RMDN3: variants seen among roughly 807,000 people sequenced by gnomAD.
RMDN3 encodes regulator of microtubule dynamics protein 3.
A neutral mutation model predicts 61.8 loss-of-function variants in RMDN3; 41 were observed. The ratio of observed to expected loss-of-function variants is 0.66; its 90% CI spans 0.52 to 0.86. The LOEUF (loss-of-function observed/expected upper bound fraction) is 0.86, where lower values mean the gene tolerates loss of function less well. RMDN3 is among the 40% of genes least tolerant of loss of function. The pLI is 0.00. For missense variants in RMDN3, 557 were observed against 585.3 expected (o/e 0.95, Z 0.50); for synonymous variants, 247 against 232.0 (o/e 1.06, Z -0.59).
chr15:40,748,506 G>A (rs1204205450), intron 4 of RMDN3, among the ~76,000 whole-genome samples: 2 of 152,244 alleles, frequency 1.3e-5, no homozygotes, highest in African/African-American at 4.8e-5. Flanking sequence ...CCTGCTCCTT[G>A]TGGCCTTGGG....
chr15:40,736,611 C>T lies in RMDN3; in HGVS notation c.1360-17G>A, dbSNP rs1596036448. 2 of 1,612,644 alleles carry T rather than the reference C, an allele frequency of 1.2e-6. No individual in the cohort carries two copies. Among genetic ancestry groups the T allele is most frequent in the South Asian group, 1.1e-5 (1 of 91,030 alleles). On this transcript the variant is annotated splice_polypyrimidine_tract_variant and intron_variant, in intron 12 of 12. Transcript: ENST00000338376. ...AGCCAAATCCTAGGGAGACAAAGAACAAATCTAGGGCTCAAAATTTAAACC... is the reference window on the plus strand; with the variant it reads ...AGCCAAATCCTAGGGAGACAAAGAATAAATCTAGGGCTCAAAATTTAAACC...
Position 40,737,684 on chromosome 15 carries a change from A to C in RMDN3, c.1168T>G (p.Leu390Val). ...GTGGCACTGAGAGGGCTTTCAAGCA[A>C]GGCTGTAGCAGTTTTTTTTTCTAGC... is the stretch of plus-strand genomic sequence containing the variant. Reference protein sequence around the residue: ...SWLEKKTATALLESPLSATVE... With the variant: ...SWLEKKTATAVLESPLSATVE... The change falls in exon 10 of 13, where the codon TTG becomes GTG. Residue 390 changes from leucine to valine, a missense_variant. Transcript: ENST00000338376. 6.2e-7 allele frequency: 1 copy of C among 1,614,114 alleles called. No homozygotes were observed.
chr15:40,737,965 C>CTGAT lies in RMDN3; in HGVS notation c.1121_1124dup (p.Val376SerfsTer18), dbSNP rs1255325413. 2.5e-6 allele frequency: 4 copies of CTGAT among 1,614,128 alleles called. No individual in the cohort carries two copies. The highest frequency in any genetic ancestry group is 3.4e-6 in the Non-Finnish European group (4 of 1,179,984). ...TGTCAAGCACTGAAACGCAGCTTAC[C>CTGAT]TGATAGCACCACCTGCCAAGAAGAA... On this transcript the variant is annotated frameshift_variant and splice_region_variant, in exon 9 of 13. Coordinates refer to ENST00000338376, the MANE Select transcript of RMDN3 (RefSeq NM_018145.3). LOFTEE classifies it high-confidence loss of function.
intron 2 of RMDN3, among the ~76,000 whole-genome samples, chr15:40,753,948 C>T (rs575435680): frequency 6.6e-6 from 1 of 152,136 alleles, no homozygotes. Flanking sequence ...CAAGATTATT[C>T]TTTTTGCCCT....
chr15:40,736,399 TG>T lies in RMDN3; in HGVS notation c.*141del, dbSNP rs1397306119. The T allele has an allele frequency of 1.4e-6, 1 of 692,768 alleles. No homozygotes were observed. The highest frequency in any genetic ancestry group is 1.8e-5 in the African/African-American group (1 of 55,298). 42.9% of individuals were successfully genotyped at this position (692,768 alleles called of 1,614,324 possible). On this transcript the variant is annotated 3_prime_UTR_variant, in exon 13 of 13. Transcript: ENST00000338376. ...TTAGAGGTTAGAATAAATTAACTAA[TG>T]GGGAGTGGTAGTGGGTAGCAGTCAG...
At chr15:40,738,652 C>T in intron 7 of RMDN3, 76 bp from the exon 8 acceptor site, 1 of 1,434,820 alleles carries the variant, frequency 7.0e-7, no homozygotes, top group Non-Finnish European at 9.8e-7. Context: ...CAACCACAGC[C>T]TAGTTGCATT....
intron 1 of RMDN3, 51 bp from the exon 2 acceptor site, chr15:40,754,841 G>A (rs1897979809): frequency 2.5e-6 from 2 of 810,610 alleles, no homozygotes; most frequent in African/African-American, 1.8e-5. Flanking sequence ...GGCGGGCGGG[G>A]GTAAGGAGAG....
chr15:40,746,045 G>A (rs1897532385), intron 4 of RMDN3, among the ~76,000 whole-genome samples: 1 of 152,202 alleles, frequency 6.6e-6, no homozygotes. Context: ...AAAGGTGTTT[G>A]GGGGGCTGCC....
chr15:40,754,973 C>A (rs904803905), intron 1 of RMDN3, 110 bp downstream of exon 1: 17 of 570,884 alleles, frequency 3.0e-5, no homozygotes, highest in Non-Finnish European at 4.9e-5. Flanking sequence ...CTTCCTCCAG[C>A]CTCCTGGGCC....
rs777965798 is a variant in RMDN3, at chr15:40,740,157, TCC to T, written c.945_946del (p.Asp316Ter). ...CCACAGGTGACAGTCAGCACTCTCA[TCC>T]CCCTTCTCCAGAGCAGCCTCTGCTT... is the stretch of plus-strand genomic sequence containing the variant. On this transcript the variant is annotated frameshift_variant, in exon 7 of 13. Transcript: ENST00000338376. LOFTEE classifies it high-confidence loss of function. The T allele has an allele frequency of 3.7e-6, 6 of 1,611,944 alleles. No homozygotes were observed. In the African/African-American group the frequency reaches 4.0e-5, roughly 11 times the overall value.
At chr15:40,741,619 G>GTTTTTTTTTTTTTT (rs1333820266) in intron 6 of RMDN3, among the ~76,000 whole-genome samples, 3 of 60,984 alleles carry the variant, frequency 4.9e-5, no homozygotes, top group African/African-American at 1.1e-4. Context: ...TGCAACATAG[G>GTTTTTTTTTTTTTT]ATTTTTTTTT....
chr15:40,746,932 A>G (rs1204681547), intron 4 of RMDN3, among the ~76,000 whole-genome samples: 1 of 152,122 alleles, frequency 6.6e-6, no homozygotes, highest in Non-Finnish European at 1.5e-5. Context: ...GTGTCATTAG[A>G]TTTCGTAACC....
At chr15:40,741,236 A>G (rs1360505371) in intron 6 of RMDN3, among the ~76,000 whole-genome samples, 1 of 152,094 alleles carries the variant, frequency 6.6e-6, no homozygotes, top group Admixed American at 6.6e-5. Context: ...GGATGGGTAC[A>G]TTGGCTCACA....
At chr15:40,747,857 T>G (rs1182109870) in intron 4 of RMDN3, 1 of 152,070 alleles carries the variant, frequency 6.6e-6, no homozygotes, top group Non-Finnish European at 1.5e-5. Context: ...AGAGACTGAG[T>G]ATGAGGCCTT....
chr15:40,752,535 A>T (rs1237233307), intron 2 of RMDN3, among the ~76,000 whole-genome samples: 1 of 152,164 alleles, frequency 6.6e-6, no homozygotes, highest in Non-Finnish European at 1.5e-5. Context: ...CCCAATACCA[A>T]GGAGTCAATA....
chr15:40,741,279 G>C lies in RMDN3; in HGVS notation c.911-1086C>G, dbSNP rs199726795. On this transcript the variant is annotated intron_variant, in intron 6 of 12. Transcript: ENST00000338376. ...TCCTAGAACTTTGAGAGGCCAAGGA[G>C]AGGATAGCTTGGGACCAAGAGTTCA... Among the ~76,000 whole-genome samples the C allele has an allele frequency of 3.5e-4, 54 of 152,190 alleles. No individual in the cohort carries two copies. The East Asian group carries it at 0.01, about 28-fold the overall frequency.
chr15:40,755,085 C>G lies in RMDN3; in HGVS notation c.-10G>C, dbSNP rs1897990194. On this transcript the variant is annotated splice_region_variant and 5_prime_UTR_variant, in exon 1 of 13. Transcript: ENST00000338376. ...GCTTCTGGGCCTTCAACCCCCACCTCAGCCTCACGACACTGCAGACCACAA... is the reference window on the plus strand; with the variant it reads ...GCTTCTGGGCCTTCAACCCCCACCTGAGCCTCACGACACTGCAGACCACAA... 1 of 337,974 alleles carries G rather than the reference C, an allele frequency of 3.0e-6. No homozygotes were observed. The highest frequency in any genetic ancestry group is 5.5e-6 in the Non-Finnish European group (1 of 180,202). 20.9% of individuals were successfully genotyped at this position (337,974 alleles called of 1,614,324 possible). A position where few individuals can be genotyped will look rare whatever the true frequency, so the allele number is the denominator to read the frequency against.
At chr15:40,754,376 G>C (rs1426712664) in intron 2 of RMDN3, among the ~76,000 whole-genome samples, 1 of 152,116 alleles carries the variant, frequency 6.6e-6, no homozygotes, top group Non-Finnish European at 1.5e-5. Context: ...TTGAACTCCT[G>C]ACCTCAGGTG....
rs1405188626 is a variant in RMDN3 at position 40,736,639 on chromosome 15, C to T, written c.1360-45G>A. 2.5e-6 allele frequency: 4 copies of T among 1,576,360 alleles called. No individual in the cohort carries two copies. The East Asian group carries it at 6.7e-5, about 26-fold the overall frequency. ...ATCTAGGGCTCAAAATTTAAACCAG[C>T]ATTTTCCCAAACCAGTGGAACCTAA... On this transcript the variant is annotated intron_variant, in intron 12 of 12. Transcript: ENST00000338376.
Sources: gnomAD v4.1 joint callset for allele counts (sites outside exome capture counted in the v4.1 genomes callset) on GRCh38, gnomAD v4.1.1 for gene constraint, MANE v1.5 for transcripts, NCBI Gene and HGNC (gene_info 2026-07-23, HGNC 2026-07-21) for gene names.